The following UNC79 variants were observed in gnomAD, a reference collection of about 807,000 sequenced individuals.
UNC79 encodes the protein protein unc-79 homolog.
A neutral mutation model predicts 283.1 loss-of-function variants in UNC79; 37 were observed. That is an observed-to-expected ratio of 0.13 (90% CI 0.10 to 0.17). UNC79 has a LOEUF of 0.17. Ranked by LOEUF, UNC79 falls within the 10% of genes least tolerant of loss-of-function variation. The pLI is 1.00. For synonymous variants in UNC79, 1,107 were observed against 1,200.2 expected (o/e 0.92, Z 1.61); for missense variants, 2,272 against 3,211.1 (o/e 0.71, Z 7.07).
intron 1 of UNC79, among the ~76,000 whole-genome samples, chr14:93,422,366 ATG>A: frequency 6.8e-6 from 1 of 147,230 alleles, no homozygotes; most frequent in Non-Finnish European, 1.5e-5. Context: ...AAAGCTTATC[ATG>A]CAGATGAAGC....
intron 42 of UNC79, among the ~76,000 whole-genome samples, chr14:93,686,289 GCA>G (rs144219008): frequency 0.018 from 2,683 of 152,028 alleles, 87 homozygotes; most frequent in African/African-American, 0.058. Flanking sequence ...TTAAAAACAA[GCA>G]CACACACACA....
At chr14:93,630,779 T>C in intron 30 of UNC79, 22 bp from the exon 33 acceptor site, 1 of 1,603,760 alleles carries the variant, frequency 6.2e-7, no homozygotes. Flanking sequence ...TCCTGAGTTT[T>C]AAATAATATT....
In UNC79 at chr14:93,376,710, T is replaced by C. The variant is rs79898832; in HGVS notation, c.-351+43187T>C. 3.5e-3 allele frequency among the ~76,000 whole-genome samples: 528 copies of C among 152,138 alleles called. 12 individuals are homozygous for C. The South Asian group carries it at 0.051, about 15-fold the overall frequency. On this transcript the variant is annotated intron_variant, in intron 1 of 49. Coordinates refer to the UNC79 transcript ENST00000256339. The stretch of plus-strand genomic sequence containing the variant: ...TGGCTCCAGCTAGGTTTTTGCCTTG[T>C]TTGGGTATAGTGTGATAAATTCGGT...
intron 7 of UNC79, among the ~76,000 whole-genome samples, chr14:93,505,498 A>T (rs1187912930): frequency 6.6e-6 from 1 of 152,058 alleles, no homozygotes; most frequent in African/African-American, 2.4e-5. Context: ...GAGTGTTTGC[A>T]TGGTATAACT....
intron 1 of UNC79, among the ~76,000 whole-genome samples, chr14:93,396,674 C>T (rs116288850): frequency 0.014 from 2,119 of 151,924 alleles, 62 homozygotes; most frequent in African/African-American, 0.049. Flanking sequence ...CTATTGAAGT[C>T]TCTGCTTGGT....
At chr14:93,483,823 AATG>A (rs1386293384) in intron 4 of UNC79, among the ~76,000 whole-genome samples, 7 of 152,058 alleles carry the variant, frequency 4.6e-5, no homozygotes, top group Non-Finnish European at 1.0e-4. Context: ...GTTTGCTCAG[AATG>A]ATGGTTTCCA....
At chr14:93,600,035 C>T (rs1281868697) in intron 24 of UNC79, among the ~76,000 whole-genome samples, 1 of 151,918 alleles carries the variant, frequency 6.6e-6, no homozygotes, top group Non-Finnish European at 1.5e-5. Context: ...CTCGTCTCTA[C>T]TAAAAATACA....
chr14:93,347,281 C>T (rs748999183), intron 1 of UNC79: 15 of 1,604,376 alleles, frequency 9.3e-6, no homozygotes, highest in African/African-American at 1.3e-5. Context: ...GCCTCTCCTG[C>T]GTGGGCGCTG....
intron 8 of UNC79, among the ~76,000 whole-genome samples, chr14:93,526,489 T>C (rs1474278776): frequency 1.3e-5 from 2 of 152,212 alleles, no homozygotes; most frequent in Admixed American, 6.5e-5. Flanking sequence ...ATCAGAGTGT[T>C]ACTATGGATT....
At chr14:93,590,227 A>G (rs1167836019) in intron 22 of UNC79, among the ~76,000 whole-genome samples, 6 of 152,192 alleles carry the variant, frequency 3.9e-5, no homozygotes, top group Non-Finnish European at 8.8e-5. Context: ...CTGATTGCAC[A>G]TGAATTTTCG....
upstream of UNC79, among the ~76,000 whole-genome samples, chr14:93,428,609 A>G (rs150097649): frequency 1.1e-4 from 17 of 152,306 alleles, no homozygotes; most frequent in South Asian, 2.1e-4. Flanking sequence ...TAGAGTCTCA[A>G]TTATATGGGT....
intron 11 of UNC79, among the ~76,000 whole-genome samples, chr14:93,536,663 C>T (rs1191856943): frequency 3.9e-5 from 6 of 151,970 alleles, no homozygotes; most frequent in Non-Finnish European, 8.8e-5. Flanking sequence ...ACACCTTATG[C>T]TCTCTATGAG....
At chr14:93,370,246 A>G (rs532671379) in intron 1 of UNC79, among the ~76,000 whole-genome samples, 1 of 152,206 alleles carries the variant, frequency 6.6e-6, no homozygotes, top group Non-Finnish European at 1.5e-5. Flanking sequence ...GGATGTTGCA[A>G]TGATCAGACC....
At chr14:93,662,407 C>T (rs1298535857) in intron 39 of UNC79, among the ~76,000 whole-genome samples, 197 bp from the exon 43 acceptor site, 1 of 152,104 alleles carries the variant, frequency 6.6e-6, no homozygotes, top group African/African-American at 2.4e-5. Context: ...ATGATTTGGT[C>T]CTGCTCTTTG....
exon 30 of UNC79, chr14:93,622,570 A>G (rs1230285421): frequency 6.2e-7 from 1 of 1,613,974 alleles, no homozygotes; most frequent in Non-Finnish European, 8.5e-7. Flanking sequence ...AGCTGATGCC[A>G]AGTTCAGGGG....
At chr14:93,396,406 A>C (rs1176129615) in intron 1 of UNC79, among the ~76,000 whole-genome samples, 1 of 152,086 alleles carries the variant, frequency 6.6e-6, no homozygotes, top group Non-Finnish European at 1.5e-5. Context: ...TAGTGAGTCC[A>C]GTATCTGGGA....
intron 1 of UNC79, among the ~76,000 whole-genome samples, chr14:93,394,040 A>G (rs1192925039): frequency 6.6e-6 from 1 of 151,978 alleles, no homozygotes; most frequent in African/African-American, 2.4e-5. Flanking sequence ...TGTCTTCTAC[A>G]CAGAATTCCT....
intron 18 of UNC79, among the ~76,000 whole-genome samples, chr14:93,578,853 C>T (rs986536347): frequency 6.6e-6 from 1 of 152,130 alleles, no homozygotes; most frequent in Non-Finnish European, 1.5e-5. Context: ...AAAAGCCTGG[C>T]TTTGATTAAG....
At chr14:93,382,770 T>C (rs1462418583) in intron 1 of UNC79, among the ~76,000 whole-genome samples, 1 of 150,292 alleles carries the variant, frequency 6.7e-6, no homozygotes, top group Non-Finnish European at 1.5e-5. Context: ...CCAGATTCCA[T>C]CCATTTTATC....
Sources: gnomAD v4.1 joint callset for allele counts (sites outside exome capture counted in the v4.1 genomes callset) on GRCh38, gnomAD v4.1.1 for gene constraint, MANE v1.5 for transcripts, NCBI Gene and HGNC (gene_info 2026-07-23, HGNC 2026-07-21) for gene names.